Variants in TTN observed in about 807,000 individuals in gnomAD.
TTN encodes connectin.
A neutral mutation model predicts 3,223.0 loss-of-function variants in TTN; 1,525 were observed. The observed-to-expected ratio is 0.47, with a 90% CI of 0.45 to 0.49. The LOEUF (loss-of-function observed/expected upper bound fraction) is 0.49, where lower values mean the gene tolerates loss of function less well. TTN is among the 20% of genes least tolerant of loss of function. The pLI, the probability that TTN is intolerant of heterozygous loss-of-function variation, is 0.00. For missense variants in TTN, 40,786 were observed against 43,424.0 expected, an observed-to-expected ratio of 0.94 and a Z score of 5.40; for synonymous variants, 14,094 against 15,161.0, an observed-to-expected ratio of 0.93 and a Z score of 5.17.
intron 111 of TTN, among the ~76,000 whole-genome samples, chr2:178,699,500 C>T (rs1428369234): frequency 1.5e-5 from 2 of 137,166 alleles, no homozygotes; most frequent in Non-Finnish European, 3.1e-5. Context: ...CAAGCTCCGC[C>T]TCCCAGGTCC....
chr2:178,795,001 C>A lies in TTN; in HGVS notation c.1166G>T (p.Ser389Ile). The A allele has an allele frequency of 6.2e-7, 1 of 1,610,310 alleles. No homozygotes were observed. The highest frequency in any genetic ancestry group is 1.6e-4 in the Middle Eastern group (1 of 6,062). ...RYGVQEQVTI[S>I]GAAGAAASVS... is the part of the protein sequence containing the mutation. ...ACTGGCGGCAGCACCCGCAGCACCA[C>A]TGATGGTCACTTGCTCCTGGACACC... The change falls in exon 7 of 363, where the codon AGT becomes ATT. Residue 389 changes from serine to isoleucine, a missense_variant. Ser to Ile is a moderately radical substitution (Grantham distance 142). Transcript: ENST00000589042.
In TTN at chr2:178,712,320, A is replaced by T. The variant is rs911557684; in HGVS notation, c.27602T>A (p.Ile9201Lys). The change falls in exon 95 of 363, where the codon ATA (isoleucine) becomes AAA (lysine). Residue 9201 changes from isoleucine to lysine, a missense_variant. Physicochemically the swap from Ile to Lys is moderately radical, Grantham distance 102. Coordinates refer to ENST00000589042, the MANE Select transcript of TTN (RefSeq NM_001267550.2). Reference sequence around the variant, plus strand: ...AATGTGCAATCATGACAAACCTAGTATGAGTATTTGTGCTGAACAGGAATC... The same window carrying T: ...AATGTGCAATCATGACAAACCTAGTTTGAGTATTTGTGCTGAACAGGAATC... ...GKDSCSAQILILEPPYFVKQL... is the reference protein window; with the variant it reads ...GKDSCSAQILKLEPPYFVKQL... 1.2e-6 allele frequency: 2 copies of T among 1,612,680 alleles called. No individual in the cohort carries two copies. The highest frequency in any genetic ancestry group is 1.7e-6 in the Non-Finnish European group (2 of 1,179,004).
At position 178,620,371 on chromosome 2, in the gene TTN, G is replaced by A. The variant is rs727505078; in HGVS notation, c.46150C>T (p.Leu15384Phe). The A allele has an allele frequency of 6.2e-7, 1 of 1,610,832 alleles. No homozygotes were observed. Among genetic ancestry groups the A allele is most frequent in the East Asian group, 2.2e-5 (1 of 44,714 alleles). ...TCTGTCGGGGCTTCTATGATGAGAAGCTCAGCAACAGATTTATCTTGTCCA... is the reference window on the plus strand; with the variant it reads ...TCTGTCGGGGCTTCTATGATGAGAAACTCAGCAACAGATTTATCTTGTCCA... ...TAGQDKSVAE[L>F]LIIEAPTEFV... The change falls in exon 248 of 363, where the codon CTT (leucine) becomes TTT (phenylalanine). Residue 15384 changes from leucine (L) to phenylalanine (F), a missense_variant. By Grantham distance (22) the Leu-to-Phe change is conservative (BLOSUM62 0). Transcript: ENST00000589042.
At position 178,728,099 on chromosome 2, in the gene TTN, G is replaced by T; in HGVS notation, c.19714+11C>A. 6.5e-7 allele frequency: 1 copy of T among 1,541,806 alleles called. No homozygotes were observed. Among genetic ancestry groups the T allele is most frequent in the Non-Finnish European group, 8.7e-7 (1 of 1,146,632 alleles). On this transcript the variant is annotated intron_variant, in intron 67 of 362. Coordinates refer to ENST00000589042, the MANE Select transcript of TTN (RefSeq NM_001267550.2). ...CAAGGAAGAATCAAGAAGAGGTAAAGAAATTCTAACCTTTCACAGTTAAGA... is the reference window on the plus strand; with the variant it reads ...CAAGGAAGAATCAAGAAGAGGTAAATAAATTCTAACCTTTCACAGTTAAGA...
Position 178,706,882 on chromosome 2 carries a change from T to C in TTN, c.29114A>G (p.Gln9705Arg). The change falls in exon 101 of 363, where the codon CAG becomes CGG. Residue 9705 changes from glutamine (Q) to arginine (R), a missense_variant. By Grantham distance (43) the Gln-to-Arg change is conservative. Coordinates refer to ENST00000589042, the MANE Select transcript of TTN (RefSeq NM_001267550.2). ...DGRLFFVSEP[Q>R]SIRVVEKTTA... ...CTTACTTTCTACGACTCTGATACTC[T>C]GAGGTTCTGACACAAAAAAGAGTCT... 2 of 1,612,586 alleles carry C rather than the reference T, an allele frequency of 1.2e-6. No individual in the cohort carries two copies. Among genetic ancestry groups the C allele is most frequent in the Non-Finnish European group, 1.7e-6 (2 of 1,179,230 alleles).
Position 178,719,643 on chromosome 2 carries a change from CAG to C in TTN, c.23847_23848del (p.Ala7951ArgfsTer4). 1 of 1,613,718 alleles carries C rather than the reference CAG, an allele frequency of 6.2e-7. No homozygotes were observed. Among genetic ancestry groups the C allele is most frequent in the Non-Finnish European group, 8.5e-7 (1 of 1,179,716 alleles). On this transcript the variant is annotated frameshift_variant, in exon 82 of 363. Coordinates refer to ENST00000589042, the MANE Select transcript of TTN (RefSeq NM_001267550.2). LOFTEE classifies it high-confidence loss of function. ...TAATCCTTTGTCACTCATTTCGGCA[CAG>C]GGGATTTTAAGGGAAGCCACTTTAT...
rs201687390 is a variant in TTN, at chr2:178,558,524, C to T, written c.86935G>A (p.Val28979Ile). 1.4e-4 allele frequency: 226 copies of T among 1,613,658 alleles called. No individual in the cohort carries two copies. The highest frequency in any genetic ancestry group is 8.7e-4 in the East Asian group (39 of 44,824). The part of the protein sequence containing the change: ...DGGSRIVHYV[V>I]EALEKGQKNW... ...TTCTGTCCTTTTTCTAGTGCTTCAACGACATAGTGTACAATTCTGCTTCCG... is the reference window on the plus strand; with the variant it reads ...TTCTGTCCTTTTTCTAGTGCTTCAATGACATAGTGTACAATTCTGCTTCCG... The change falls in exon 327 of 363, where the codon GTT becomes ATT. Residue 28979 changes from valine (V) to isoleucine (I), a missense_variant. Physicochemically the swap from Val to Ile is conservative, Grantham distance 29. Coordinates refer to ENST00000589042, the MANE Select transcript of TTN (RefSeq NM_001267550.2).
Position 178,546,777 on chromosome 2 carries a change from C to G in TTN, c.94651G>C (p.Val31551Leu). ...YIIERKPVSE[V>L]GDGRWLKCNY... is the part of the protein sequence containing the mutation. ...CACTTCAGCCAGCGACCATCTCCTA[C>G]CTCACTGACTGGCTTACGCTCTATG... Residue 31551 changes from valine to leucine, a missense_variant, in exon 341 of 363, where the codon GTA becomes CTA. By Grantham distance (32) the Val-to-Leu change is conservative (BLOSUM62 1). Transcript: ENST00000589042. The G allele has an allele frequency of 6.2e-7, 1 of 1,613,744 alleles. No homozygotes were observed. The highest frequency in any genetic ancestry group is 8.5e-7 in the Non-Finnish European group (1 of 1,179,742).
At position 178,598,799 on chromosome 2, in the gene TTN, C is replaced by T. The variant is rs373153121; in HGVS notation, c.56911G>A (p.Val18971Met). Residue 18971 changes from valine (V) to methionine (M), a missense_variant, in exon 291 of 363, where the codon GTG becomes ATG. Coordinates refer to ENST00000589042, the MANE Select transcript of TTN (RefSeq NM_001267550.2). ...TCTGATGGCAGACTTGCTGGACCCA[C>T]GCCAGCAGCATTGATTGCATATACC... ...FRVYAINAAG[V>M]GPASLPSDPA... 3.7e-5 allele frequency: 60 copies of T among 1,613,238 alleles called. No homozygotes were observed. Among genetic ancestry groups the T allele is most frequent in the African/African-American group, 6.7e-5 (5 of 74,866 alleles).
rs372798472 is a variant in TTN, at chr2:178,549,559, C to T, written c.92152+11G>A. On this transcript the variant is annotated intron_variant, in intron 338 of 362. Coordinates refer to ENST00000589042, the MANE Select transcript of TTN (RefSeq NM_001267550.2). ...TTGACATAGTACCGCTTAGTAAAAA[C>T]GCAAACTTACTATATTGTATTTGAG... The T allele has an allele frequency of 4.8e-5, 77 of 1,605,892 alleles. No individual in the cohort carries two copies. Among genetic ancestry groups the T allele is most frequent in the Admixed American group, 1.2e-4 (7 of 59,656 alleles).
At position 178,535,594 on chromosome 2, in the gene TTN, C is replaced by G. The variant is rs766217871; in HGVS notation, c.101021G>C (p.Arg33674Thr). The G allele has an allele frequency of 6.2e-7, 1 of 1,613,864 alleles. No individual in the cohort carries two copies. The highest frequency in any genetic ancestry group is 1.3e-5 in the African/African-American group (1 of 75,026). ...AACTGTCTTCTGATCAATTCCAAATCTGTTTTTAGCACAGACCACATAGAA... is the reference window on the plus strand; with the variant it reads ...AACTGTCTTCTGATCAATTCCAAATGTGTTTTTAGCACAGACCACATAGAA... ...AGFYVVCAKNRFGIDQKTVEL... is the reference protein window; with the variant it reads ...AGFYVVCAKNTFGIDQKTVEL... Residue 33674 changes from arginine to threonine, a missense_variant, in exon 358 of 363, where the codon AGA becomes ACA. By Grantham distance (71) the Arg-to-Thr change is moderately conservative (BLOSUM62 -1). Transcript: ENST00000589042.
In TTN at chr2:178,773,577, G is replaced by A. The variant is rs1185452153; in HGVS notation, c.7479C>T (p.Ala2493=). The change falls in exon 32 of 363, where the codon GCC becomes GCT. Residue 2493 remains alanine, a synonymous_variant. Coordinates refer to ENST00000589042, the MANE Select transcript of TTN (RefSeq NM_001267550.2). ...GTCGCTGTTTAGTACCTTTCACAAT[G>A]GCCTGTACACGGTCATCAGGCTTGA... The part of the protein sequence containing the change: ...EQIKPDDRVQ[A]IVKGTKQRLV... 1 of 1,613,852 alleles carries A rather than the reference G, an allele frequency of 6.2e-7. No homozygotes were observed. The highest frequency in any genetic ancestry group is 1.3e-5 in the African/African-American group (1 of 74,882).
intron 133 of TTN, among the ~76,000 whole-genome samples, chr2:178,683,528 A>T (rs1162767835): frequency 1.3e-5 from 2 of 152,140 alleles, no homozygotes; most frequent in Non-Finnish European, 2.9e-5. Flanking sequence ...ATAAAAGTTT[A>T]AAAAGACAAC....
intron 311 of TTN, 126 bp downstream of exon 311, chr2:178,584,150 G>T: frequency 8.7e-7 from 1 of 1,143,360 alleles, no homozygotes; most frequent in Non-Finnish European, 1.2e-6. Context: ...ATTCTTAAAT[G>T]GGAGTTGTAA....
chr2:178,768,770 T>G lies in TTN; in HGVS notation c.9066A>C (p.Thr3022=). The change falls in exon 38 of 363, where the codon ACA becomes ACC. Residue 3022 remains threonine (T), a synonymous_variant. Coordinates refer to ENST00000589042, the MANE Select transcript of TTN (RefSeq NM_001267550.2). ...GAACATTCCTGATGTTCAGTGAGTGTGTGAGCTTTTTGGTTCTCATCTGGC... is the reference window on the plus strand; with the variant it reads ...GAACATTCCTGATGTTCAGTGAGTGGGTGAGCTTTTTGGTTCTCATCTGGC... The part of the protein sequence containing the change: ...DKCQMRTKKL[T]HSLNIRNVHF... 1 of 1,614,160 alleles carries G rather than the reference T, an allele frequency of 6.2e-7. No homozygotes were observed. The highest frequency in any genetic ancestry group is 8.5e-7 in the Non-Finnish European group (1 of 1,180,014).
chr2:178,636,292 A>G lies in TTN; in HGVS notation c.41330-51T>C. The G allele has an allele frequency of 1.4e-6, 2 of 1,480,014 alleles. No individual in the cohort carries two copies. 91.7% of individuals were successfully genotyped at this position (1,480,014 alleles called of 1,614,324 possible). On this transcript the variant is annotated intron_variant, in intron 225 of 362. Coordinates refer to ENST00000589042, the MANE Select transcript of TTN (RefSeq NM_001267550.2). The surrounding 1 kb of genome is among the most constrained non-coding windows in gnomAD (Gnocchi z 4.3). ...CAATAAATACAATATTTTCAATGAA[A>G]TAAAACTTGGAAATAAGAGGTTTTG...
rs189592241 is a variant in TTN at position 178,800,722 on chromosome 2, G to A, written c.296-40C>T. The A allele has an allele frequency of 1.2e-3, 1,844 of 1,574,388 alleles. 50 individuals carry two copies. The Admixed American group carries it at 0.032, about 27-fold the overall frequency. ...GAACAAAGTCAAGAGTGAGAGCCAGGGTGCTCCCTACAAGGTATTTTTAAA... is the reference window on the plus strand; with the variant it reads ...GAACAAAGTCAAGAGTGAGAGCCAGAGTGCTCCCTACAAGGTATTTTTAAA... On this transcript the variant is annotated intron_variant, in intron 3 of 362. Coordinates refer to ENST00000589042, the MANE Select transcript of TTN (RefSeq NM_001267550.2).
Position 178,618,895 on chromosome 2 carries a change from C to T in TTN, c.46697-42G>A, listed in dbSNP as rs776266585. On this transcript the variant is annotated intron_variant, in intron 250 of 362. Transcript: ENST00000589042. ...CATGTGAACGCTTTCGACTATTAAA[C>T]GTAGCCAAGCTACATCATGTTATTA... 1.5e-4 allele frequency: 236 copies of T among 1,589,064 alleles called. 2 individuals carry two copies. Among genetic ancestry groups the T allele is most frequent in the Admixed American group, 1.0e-3 (57 of 55,702 alleles).
chr2:178,701,467 C>G (rs2074982407), intron 110 of TTN, 61 bp downstream of exon 110: 1 of 1,548,424 alleles, frequency 6.5e-7, no homozygotes, highest in African/African-American at 1.4e-5. Flanking sequence ...AAATTTCGTA[C>G]AGATTCCTAG....
Sources: allele counts gnomAD v4.1 joint callset (sites outside exome capture counted in the v4.1 genomes callset), GRCh38; gene constraint gnomAD v4.1.1; non-coding constraint Gnocchi (gnomAD v3.1); transcripts MANE v1.5; gene names NCBI Gene and HGNC (gene_info 2026-07-23, HGNC 2026-07-21).